Variants in NLGN4X observed in about 807,000 individuals in gnomAD.
NLGN4X encodes the protein neuroligin-4, X-linked.
In NLGN4X, 3 loss-of-function variants were observed where a neutral mutation model predicts 40.3. That is an observed-to-expected ratio of 0.07 (90% CI 0.03 to 0.19). The LOEUF is 0.19. Ranked by LOEUF, NLGN4X falls within the 10% of genes least tolerant of loss-of-function variation. The pLI is 1.00. For synonymous variants in NLGN4X, 270 were observed against 306.8 expected (o/e 0.88, Z 1.25); for missense variants, 382 against 708.3 (o/e 0.54, Z 5.23).
intron 2 of NLGN4X, among the ~76,000 whole-genome samples, chrX:6,040,470 C>A (rs948331872): frequency 1.4e-5 from 1 of 69,007 alleles, no homozygotes; most frequent in Admixed American, 1.5e-4. Context: ...ATAATTTCTG[C>A]TTTTTTTAAA....
At chrX:6,083,921 G>A (rs1353140081) in intron 2 of NLGN4X, among the ~76,000 whole-genome samples, 3 of 111,974 alleles carry the variant, frequency 2.7e-5, no homozygotes, top group Admixed American at 1.9e-4. Context: ...TGGAAATAAA[G>A]ACTTGAGAAT....
chrX:6,156,925 T>C (rs1422686650), intron 1 of NLGN4X, among the ~76,000 whole-genome samples: 1 of 111,399 alleles, frequency 9.0e-6, no homozygotes, highest in Non-Finnish European at 1.9e-5. Context: ...AAAAATGTTA[T>C]TGGTATACAC....
chrX:6,219,586 T>TCCTTCTTTCCTTCCCTCCCTTCCTC (rs1925472200), intron 1 of NLGN4X, among the ~76,000 whole-genome samples: 1 of 104,592 alleles, frequency 9.6e-6, no homozygotes, highest in Non-Finnish European at 2.0e-5. Flanking sequence ...CTTCCTTCCT[T>TCCTTCTTTCCTTCCCTCCCTTCCTC]CCTTCTTTCC....
At chrX:5,957,464 GC>G (rs771141073) in intron 3 of NLGN4X, among the ~76,000 whole-genome samples, 3 of 111,586 alleles carry the variant, frequency 2.7e-5, no homozygotes, top group Non-Finnish European at 5.6e-5. Context: ...GGATATTTCT[GC>G]TTGCTAACAA....
intron 3 of NLGN4X, among the ~76,000 whole-genome samples, chrX:5,946,544 C>G (rs2034126463): frequency 9.0e-6 from 1 of 110,947 alleles, no homozygotes; most frequent in Non-Finnish European, 1.9e-5. Context: ...ACATAGGAAA[C>G]AGAGAGGGGG....
chrX:6,032,622 A>G lies in NLGN4X; in HGVS notation c.473-3190T>C. 4.0e-6 allele frequency: 3 copies of G among 740,771 alleles called. No individual in the cohort carries two copies. In the African/African-American group the frequency reaches 6.4e-5, roughly 16 times the overall value. 61.0% of individuals were successfully genotyped at this position (740,771 alleles called of 1,213,427 possible). ...GGGAGAAAAAACAGATTGAAATGAA[A>G]AAAAAAAAGAGAGATAGATAGATAT... On this transcript the variant is annotated intron_variant, in intron 2 of 5. Transcript: ENST00000381095.
intron 2 of NLGN4X, among the ~76,000 whole-genome samples, chrX:6,143,647 G>C (rs1426099579): frequency 1.8e-5 from 2 of 111,825 alleles, no homozygotes; most frequent in Non-Finnish European, 3.8e-5. Context: ...ATACCATTTA[G>C]GACAATTGGC....
chrX:6,008,020 G>C (rs1281092468), intron 3 of NLGN4X, among the ~76,000 whole-genome samples: 1 of 111,680 alleles, frequency 9.0e-6, no homozygotes, highest in African/African-American at 3.3e-5. Context: ...GCTCCTTTCA[G>C]GACCTTTCTA....
chrX:6,008,199 T>G (rs1473059395), intron 3 of NLGN4X, among the ~76,000 whole-genome samples: 2 of 112,223 alleles, frequency 1.8e-5, no homozygotes, highest in African/African-American at 6.5e-5. Flanking sequence ...CTAGAAATTT[T>G]TCATGTTCGC....
At chrX:6,122,348 C>A (rs1187949543) in intron 2 of NLGN4X, among the ~76,000 whole-genome samples, 1 of 111,972 alleles carries the variant, frequency 8.9e-6, no homozygotes, top group Non-Finnish European at 1.9e-5. Flanking sequence ...AAGTGATTCT[C>A]CTGCCTCAGC....
chrX:6,064,654 G>A (rs1173374341), intron 2 of NLGN4X, among the ~76,000 whole-genome samples: 1 of 111,166 alleles, frequency 9.0e-6, no homozygotes, highest in Admixed American at 9.6e-5. Flanking sequence ...TGAGGCAAGT[G>A]CAGCGGGAAT....
At chrX:5,975,473 C>T (rs1464249792) in intron 3 of NLGN4X, among the ~76,000 whole-genome samples, 1 of 109,425 alleles carries the variant, frequency 9.1e-6, no homozygotes, top group African/African-American at 3.3e-5. Context: ...ATTAGCCAGG[C>T]ATAGTGGTGG....
In NLGN4X at chrX:5,892,659, G is replaced by T; in HGVS notation, c.*158C>A. ...CAACGATAAGGGTCTGCCGGGATGG[G>T]ATGACTGCCTTTTTGCATTTTTGTC... On this transcript the variant is annotated 3_prime_UTR_variant, in exon 6 of 6. Transcript: ENST00000381095. 2 of 700,472 alleles carry T rather than the reference G, an allele frequency of 2.9e-6. No individual in the cohort carries two copies. The highest frequency in any genetic ancestry group is 2.6e-5 in the South Asian group (1 of 38,562). 57.7% of individuals were successfully genotyped at this position (700,472 alleles called of 1,213,427 possible).
intron 3 of NLGN4X, among the ~76,000 whole-genome samples, chrX:5,929,549 G>A (rs182502213): frequency 9.0e-6 from 1 of 111,510 alleles, no homozygotes; most frequent in East Asian, 2.8e-4. Flanking sequence ...CACCTACAAT[G>A]TAGTGTGTGT....
At chrX:6,041,867 A>C (rs1300188483) in intron 2 of NLGN4X, among the ~76,000 whole-genome samples, 1 of 112,783 alleles carries the variant, frequency 8.9e-6, no homozygotes, top group Non-Finnish European at 1.9e-5. Flanking sequence ...TATGACAACC[A>C]GTGATGAATA....
intron 2 of NLGN4X, among the ~76,000 whole-genome samples, chrX:6,068,589 A>C (rs769410923): frequency 2.3e-4 from 26 of 111,967 alleles, no homozygotes; most frequent in Non-Finnish European, 4.7e-4. Flanking sequence ...TAAAACTAAA[A>C]ATTAAACGAT....
intron 2 of NLGN4X, among the ~76,000 whole-genome samples, chrX:6,138,211 A>G (rs1252179330): frequency 8.9e-6 from 1 of 112,195 alleles, no homozygotes; most frequent in African/African-American, 3.2e-5. Context: ...AATATATATA[A>G]GCCAAGGGTT....
At chrX:6,086,734 C>A (rs942494301) in intron 2 of NLGN4X, among the ~76,000 whole-genome samples, 6 of 111,510 alleles carry the variant, frequency 5.4e-5, no homozygotes, top group African/African-American at 2.0e-4. Flanking sequence ...TGGGCTCATG[C>A]AACCCTCCCA....
chrX:5,992,796 C>A (rs1330325346), intron 3 of NLGN4X, among the ~76,000 whole-genome samples: 1 of 109,416 alleles, frequency 9.1e-6, no homozygotes, highest in Non-Finnish European at 1.9e-5. Flanking sequence ...GAGGAAGGTG[C>A]CAGGCTCTTT....
Sources: gnomAD v4.1 joint callset for allele counts (sites outside exome capture counted in the v4.1 genomes callset) on GRCh38, gnomAD v4.1.1 for gene constraint, MANE v1.5 for transcripts, NCBI Gene and HGNC (gene_info 2026-07-23, HGNC 2026-07-21) for gene names.